Variants in EPRS1 observed in about 807,000 individuals in gnomAD.
The protein encoded by EPRS1 is bifunctional glutamate/proline--tRNA ligase.
Under a neutral mutation model 188.3 loss-of-function variants are expected in EPRS1, and 107 were observed. The observed-to-expected ratio is 0.57, with a 90% CI of 0.49 to 0.67. The LOEUF is 0.67. EPRS1 is among the 30% of genes least tolerant of loss of function. The pLI is 0.00. For synonymous variants in EPRS1, 596 were observed against 593.1 expected (o/e 1.00, Z -0.07); for missense variants, 1,577 against 1,802.2 (o/e 0.88, Z 2.26).
At position 219,978,824 on chromosome 1, in the gene EPRS1, A is replaced by G. The variant is rs748761942; in HGVS notation, c.3910-105T>C. On this transcript the variant is annotated intron_variant, in intron 27 of 31. Transcript: ENST00000366923. ...AGTGGCTATATTATTAACACGAATC[A>G]GCTGTGTGATTTCTAATCTTATATA... 2.2e-5 allele frequency: 17 copies of G among 776,734 alleles called. No individual in the cohort carries two copies. In the Admixed American group the frequency reaches 3.4e-4, roughly 16 times the overall value. 48.1% of individuals were successfully genotyped at this position (776,734 alleles called of 1,614,324 possible). A position where few individuals can be genotyped will look rare whatever the true frequency, so the allele number is the denominator to read the frequency against.
At chr1:220,042,635 C>T (rs997914761) in intron 1 of EPRS1, among the ~76,000 whole-genome samples, 1 of 151,382 alleles carries the variant, frequency 6.6e-6, no homozygotes, top group African/African-American at 2.4e-5. Flanking sequence ...AAAAAATGAA[C>T]TACTGGCCGG....
chr1:219,978,473 T>A lies in EPRS1; in HGVS notation c.4083+73A>T, dbSNP rs1386591829. ...GAAAGTAATGAGAAACCTCGTTTTA[T>A]AAAAACATGCAGAGGAAAATCTAAA... On this transcript the variant is annotated intron_variant, in intron 28 of 31. Coordinates refer to ENST00000366923, the MANE Select transcript of EPRS1 (RefSeq NM_004446.3). 5.7e-6 allele frequency: 7 copies of A among 1,228,452 alleles called. No homozygotes were observed. The African/African-American group carries it at 9.2e-5, about 16-fold the overall frequency. The allele number at this position is 1,228,452 out of a possible 1,614,324, so 76.1% of individuals were successfully genotyped here.
At chr1:220,037,973 T>C (rs1363663579) in intron 2 of EPRS1, among the ~76,000 whole-genome samples, 3 of 152,134 alleles carry the variant, frequency 2.0e-5, no homozygotes, top group Non-Finnish European at 4.4e-5. Context: ...CAAATGACAA[T>C]TATGGTACAA....
chr1:219,984,753 A>G (rs1660971884), intron 20 of EPRS1, among the ~76,000 whole-genome samples: 1 of 149,766 alleles, frequency 6.7e-6, no homozygotes, highest in African/African-American at 2.4e-5. Flanking sequence ...CTAAAAAAAC[A>G]GTAGAAATGC....
chr1:219,981,607 C>T, intron 23 of EPRS1, 150 bp from the exon 24 acceptor site: 1 of 489,154 alleles, frequency 2.0e-6, no homozygotes, highest in East Asian at 3.0e-5. Context: ...AATATATTTC[C>T]AATGTTTATA....
intron 26 of EPRS1, among the ~76,000 whole-genome samples, 157 bp downstream of exon 26, chr1:219,979,928 C>CA (rs1660860664): frequency 6.6e-6 from 1 of 152,028 alleles, no homozygotes; most frequent in Non-Finnish European, 1.5e-5. Context: ...ACCATGGAGA[C>CA]AGAGGAATGG....
At position 220,033,552 on chromosome 1, in the gene EPRS1, A is replaced by T; in HGVS notation, c.338T>A (p.Val113Asp). 1 of 1,612,800 alleles carries T rather than the reference A, an allele frequency of 6.2e-7. No homozygotes were observed. Among genetic ancestry groups the T allele is most frequent in the Non-Finnish European group, 8.5e-7 (1 of 1,179,010 alleles). ...NHCLSLRTYLVGNSLSLADLC... is the reference protein window; with the variant it reads ...NHCLSLRTYLDGNSLSLADLC... ...ATCTGCTAAACTCAAGGAGTTTCCA[A>T]CTAAGTATGTTCTCAGAGACAGGCA... Residue 113 changes from valine (V) to aspartate (D), a missense_variant, in exon 4 of 32, where the codon GTT (valine) becomes GAT (aspartate). Physicochemically the swap from Val to Asp is radical, Grantham distance 152. Around this residue, in one of 3 missense-constraint regions of EPRS1, gnomAD observed 1,278 missense variants for 1,457.4 expected, o/e 0.88. Transcript: ENST00000366923.
chr1:219,982,437 T>C (rs559426121), intron 23 of EPRS1: 16 of 173,996 alleles, frequency 9.2e-5, no homozygotes, highest in Non-Finnish European at 7.2e-5. Context: ...AAAATAATTA[T>C]GGCATAAAAA....
rs570551669 is a variant in EPRS1 at position 219,969,952 on chromosome 1, G to C, written c.4324-830C>G. ...TCTCGTGCCCCAGCCTCCTAGTGTA[G>C]CTGGAATTACAGGCGTGTGCCACCA... On this transcript the variant is annotated intron_variant, in intron 30 of 31. Coordinates refer to ENST00000366923, the MANE Select transcript of EPRS1 (RefSeq NM_004446.3). Among the ~76,000 whole-genome samples the C allele has an allele frequency of 4.3e-4, 66 of 152,216 alleles. No individual in the cohort carries two copies. In the South Asian group the frequency reaches 0.014, roughly 32 times the overall value.
chr1:219,981,007 C>T, intron 24 of EPRS1, 150 bp from the exon 25 acceptor site: 1 of 601,130 alleles, frequency 1.7e-6, no homozygotes, highest in Non-Finnish European at 3.0e-6. Flanking sequence ...TCAAATGATC[C>T]TTCTACCTTA....
chr1:219,973,245 A>C lies in EPRS1; in HGVS notation c.4237T>G (p.Phe1413Val), dbSNP rs1408290519. The C allele has an allele frequency of 6.2e-7, 1 of 1,612,218 alleles. No homozygotes were observed. The highest frequency in any genetic ancestry group is 2.2e-5 in the East Asian group (1 of 44,798). Residue 1413 changes from phenylalanine (F) to valine (V), a missense_variant, in exon 29 of 32, where the codon TTC becomes GTC. Physicochemically the swap from Phe to Val is conservative, Grantham distance 50. Around this residue, in one of 3 missense-constraint regions of EPRS1, gnomAD observed 296 missense variants for 327.9 expected, o/e 0.90. Transcript: ENST00000366923. ...AILEDIQVTL[F>V]TRASEDLKTH... is the part of the protein sequence containing the mutation. The stretch of plus-strand genomic sequence containing the variant: ...GCAATTTTAAGAAACTACCTTGTGA[A>C]AAGGGTGACCTGGATGTCTTCCAAA...
rs374900545 is a variant in EPRS1 at position 220,046,430 on chromosome 1, G to A, written c.-42C>T. 2 of 1,612,500 alleles carry A rather than the reference G, an allele frequency of 1.2e-6. No individual in the cohort carries two copies. Among genetic ancestry groups the A allele is most frequent in the East Asian group, 2.2e-5 (1 of 44,854 alleles). On this transcript the variant is annotated 5_prime_UTR_variant, in exon 1 of 32. In the 5' UTR this introduces an upstream ATG that the reference lacks. Coordinates refer to ENST00000366923, the MANE Select transcript of EPRS1 (RefSeq NM_004446.3). ...GTCCACCTGTCAGTACGCCTGGCTC[G>A]TGCCAGAACTACGGAGGACCCCGCG... is the stretch of plus-strand genomic sequence containing the variant.
At chr1:219,987,687 A>G (rs2102568317) in intron 19 of EPRS1, among the ~76,000 whole-genome samples, 1 of 152,218 alleles carries the variant, frequency 6.6e-6, no homozygotes, top group Non-Finnish European at 1.5e-5. Context: ...GGTTTGGGGT[A>G]GGTGTTACAC....
intron 29 of EPRS1, among the ~76,000 whole-genome samples, chr1:219,972,921 A>G (rs1660697042): frequency 6.6e-6 from 1 of 152,188 alleles, no homozygotes; most frequent in Non-Finnish European, 1.5e-5. Context: ...GGTGCTGCCA[A>G]TGTGTACCCA....
In EPRS1 at chr1:219,973,219, A is replaced by G. The variant is rs753540013; in HGVS notation, c.4244+19T>C. On this transcript the variant is annotated intron_variant, in intron 29 of 31. Transcript: ENST00000366923. ...TGGAAGATCTGGAGAGAGAGACATA[A>G]GCAATTTTAAGAAACTACCTTGTGA... The G allele has an allele frequency of 4.6e-5, 74 of 1,606,722 alleles. No individual in the cohort carries two copies. The highest frequency in any genetic ancestry group is 5.9e-5 in the Non-Finnish European group (69 of 1,175,000).
At chr1:219,991,121 AT>A (rs909431421) in intron 18 of EPRS1, among the ~76,000 whole-genome samples, 23 of 150,896 alleles carry the variant, frequency 1.5e-4, no homozygotes, top group African/African-American at 5.1e-4. Flanking sequence ...AAAATGGACA[AT>A]TTTTTTTTAT....
Position 219,977,312 on chromosome 1 carries a change from C to CTGTAGAAG in EPRS1, c.4083+1226_4083+1233dup, listed in dbSNP as rs1571654180. 2.0e-5 allele frequency among the ~76,000 whole-genome samples: 3 copies of CTGTAGAAG among 152,168 alleles called. No individual in the cohort carries two copies. The East Asian group carries it at 5.8e-4, about 29-fold the overall frequency. On this transcript the variant is annotated intron_variant, in intron 28 of 31. Coordinates refer to ENST00000366923, the MANE Select transcript of EPRS1 (RefSeq NM_004446.3). ...TTCCTGAGGAATACAGACAACGAAG[C>CTGTAGAAG]TGTAGAAGACCCAACTCATACTAAG... is the stretch of plus-strand genomic sequence containing the variant.
chr1:220,018,329 C>T (rs12097519), intron 12 of EPRS1, 120 bp downstream of exon 12: 1 of 991,918 alleles, frequency 1.0e-6, no homozygotes, highest in Non-Finnish European at 1.6e-6. Flanking sequence ...TCCTGAAAGT[C>T]TGCAAAATGT....
chr1:219,990,571 T>C (rs1334702710), intron 18 of EPRS1, among the ~76,000 whole-genome samples: 1 of 152,174 alleles, frequency 6.6e-6, no homozygotes, highest in African/African-American at 2.4e-5. Context: ...GTAGTAGAGC[T>C]AGTATTTGAA....
Sources: gnomAD v4.1 joint callset for allele counts (sites outside exome capture counted in the v4.1 genomes callset) on GRCh38, gnomAD v4.1.1 for gene constraint, gnomAD v4.1.1 regional missense constraint, MANE v1.5 for transcripts, NCBI Gene and HGNC (gene_info 2026-07-23, HGNC 2026-07-21) for gene names.